TMEM135: variants seen among roughly 807,000 people sequenced by gnomAD.
TMEM135 encodes the protein peroxisomal membrane protein 52.
In TMEM135, 30 loss-of-function variants were observed where a neutral mutation model predicts 60.3. The observed-to-expected ratio is 0.50, with a 90% confidence interval of 0.37 to 0.68. The LOEUF (loss-of-function observed/expected upper bound fraction) is 0.68, where lower values mean the gene tolerates loss of function less well. TMEM135 is among the 30% of genes least tolerant of loss of function. The pLI, the probability that TMEM135 is intolerant of heterozygous loss-of-function variation, is 0.00. For missense variants in TMEM135, 468 were observed against 548.8 expected, an observed-to-expected ratio of 0.85 and a Z score of 1.47; for synonymous variants, 190 against 186.7, an observed-to-expected ratio of 1.02 and a Z score of -0.14.
chr11:87,301,340 A>C (rs56887000), intron 7 of TMEM135, among the ~76,000 whole-genome samples: 1 of 152,034 alleles, frequency 6.6e-6, no homozygotes, highest in East Asian at 1.9e-4. Flanking sequence ...TGTAGCCTTT[A>C]ATTCCTAAGC....
At position 87,324,482 on chromosome 11, in the gene TMEM135, T is replaced by C. The variant is rs1291604231; in HGVS notation, c.*3149T>C. On this transcript the variant is annotated 3_prime_UTR_variant, in exon 15 of 15. Transcript: ENST00000305494. ...TGTTGCCCGGGTTGGAGTACAGTGG[T>C]GCAATCATAGCTCATTGAAACCTCA... The C allele has an allele frequency of 2.2e-6, 1 of 453,728 alleles. No homozygotes were observed. The highest frequency in any genetic ancestry group is 2.0e-5 in the African/African-American group (1 of 49,978). The allele number at this position is 453,728 out of a possible 1,614,324, so 28.1% of individuals were successfully genotyped here.
At chr11:87,230,531 GTATTA>G (rs1940868194) in intron 5 of TMEM135, among the ~76,000 whole-genome samples, 1 of 152,052 alleles carries the variant, frequency 6.6e-6, no homozygotes, top group Non-Finnish European at 1.5e-5. Context: ...GTAATAGGTA[GTATTA>G]TATTGTTTCT....
At position 87,322,403 on chromosome 11, in the gene TMEM135, A is replaced by AT; in HGVS notation, c.*1072dup. 2.2e-6 allele frequency: 1 copy of AT among 453,938 alleles called. No individual in the cohort carries two copies. The highest frequency in any genetic ancestry group is 4.4e-6 in the Non-Finnish European group (1 of 226,734). 28.1% of individuals were successfully genotyped at this position (453,938 alleles called of 1,614,324 possible). A position where few individuals can be genotyped will look rare whatever the true frequency, so the allele number is the denominator to read the frequency against. On this transcript the variant is annotated 3_prime_UTR_variant, in exon 15 of 15. Coordinates refer to ENST00000305494, the MANE Select transcript of TMEM135 (RefSeq NM_022918.4). ...TTCTCCAACCTTCTTCTTGAATATC[A>AT]TTGTCACCATTTTTACTGTTAGAAT...
intron 5 of TMEM135, among the ~76,000 whole-genome samples, chr11:87,234,710 A>T (rs1035769467): frequency 1.3e-5 from 2 of 152,034 alleles, no homozygotes; most frequent in Admixed American, 6.6e-5. Context: ...AAATTATATA[A>T]AGTATCTAGA....
rs1421135143 is a variant in TMEM135 at position 87,327,041 on chromosome 11, T to G, written c.*5708T>G. 2 of 453,944 alleles carry G rather than the reference T, an allele frequency of 4.4e-6. No homozygotes were observed. The highest frequency in any genetic ancestry group is 8.8e-6 in the Non-Finnish European group (2 of 226,786). 28.1% of individuals were successfully genotyped at this position (453,944 alleles called of 1,614,324 possible). A position where few individuals can be genotyped will look rare whatever the true frequency, so the allele number is the denominator to read the frequency against. On this transcript the variant is annotated 3_prime_UTR_variant, in exon 15 of 15. Transcript: ENST00000305494. ...CTTGCTGAGGGAACACTGATGTTGT[T>G]TAAGACAGTTACATGCCTAGCCCCA... is the stretch of plus-strand genomic sequence containing the variant.
chr11:87,238,734 A>G (rs1359423956), intron 6 of TMEM135, among the ~76,000 whole-genome samples: 4 of 152,062 alleles, frequency 2.6e-5, no homozygotes, highest in African/African-American at 7.2e-5. Context: ...GTTTGTCTTC[A>G]TATTTTTATG....
chr11:87,205,063 C>G lies in TMEM135; in HGVS notation c.463-31575C>G, dbSNP rs193137987. Among the ~76,000 whole-genome samples, 713 of 152,246 alleles carry G rather than the reference C, an allele frequency of 4.7e-3. 6 individuals carry two copies. Among genetic ancestry groups the G allele is most frequent in the Middle Eastern group, 0.037 (11 of 294 alleles). ...TTTATTGTTTAATACTAATTATTCT[C>G]TAATTGAAATCATTTTTGCCATTTT... On this transcript the variant is annotated intron_variant, in intron 5 of 14. Coordinates refer to ENST00000305494, the MANE Select transcript of TMEM135 (RefSeq NM_022918.4).
At position 87,309,734 on chromosome 11, in the gene TMEM135, A is replaced by C; in HGVS notation, c.936+62A>C. 5.8e-6 allele frequency: 9 copies of C among 1,552,196 alleles called. 1 individual carries two copies. The South Asian group carries it at 1.0e-4, about 17-fold the overall frequency. ...AAATAACATTGCTATTGTTAGAATG[A>C]GAGATGGCCTTAGTTCACTTATTTT... is the stretch of plus-strand genomic sequence containing the variant. On this transcript the variant is annotated intron_variant, in intron 10 of 14. Coordinates refer to ENST00000305494, the MANE Select transcript of TMEM135 (RefSeq NM_022918.4).
chr11:87,209,383 G>A (rs1230670898), intron 5 of TMEM135, among the ~76,000 whole-genome samples: 1 of 152,100 alleles, frequency 6.6e-6, no homozygotes, highest in Admixed American at 6.5e-5. Flanking sequence ...GAAAACAAGA[G>A]CTGGGGTAGC....
intron 13 of TMEM135, among the ~76,000 whole-genome samples, chr11:87,318,874 CTTTTTTTTTTT>C (rs71470739): frequency 3.7e-5 from 5 of 134,312 alleles, no homozygotes; most frequent in African/African-American, 1.4e-4. Flanking sequence ...TTTTTTTTTT[CTTTTTTTTTTT>C]TTTGAGATGG....
At chr11:87,225,994 A>G (rs1165501942) in intron 5 of TMEM135, among the ~76,000 whole-genome samples, 2 of 151,968 alleles carry the variant, frequency 1.3e-5, no homozygotes, top group Non-Finnish European at 2.9e-5. Context: ...TTTATTAACT[A>G]TCCATCTTTA....
chr11:87,188,068 T>TGA (rs918320523), intron 5 of TMEM135, among the ~76,000 whole-genome samples: 13 of 151,404 alleles, frequency 8.6e-5, no homozygotes, highest in South Asian at 4.1e-4. Flanking sequence ...TGTTGAACAA[T>TGA]GAGAGAGAGA....
intron 4 of TMEM135, among the ~76,000 whole-genome samples, chr11:87,111,775 C>T (rs1014224736): frequency 4.6e-5 from 7 of 151,954 alleles, no homozygotes; most frequent in African/African-American, 1.7e-4. Flanking sequence ...GAAACATGCT[C>T]CCATACATTT....
At chr11:87,228,607 A>G (rs561976866) in intron 5 of TMEM135, among the ~76,000 whole-genome samples, 12 of 152,262 alleles carry the variant, frequency 7.9e-5, no homozygotes, top group South Asian at 2.1e-4. Context: ...TTCACTACTC[A>G]CTAAGCACCA....
intron 5 of TMEM135, among the ~76,000 whole-genome samples, chr11:87,167,099 G>T (rs116168102): frequency 6.6e-6 from 1 of 151,770 alleles, no homozygotes; most frequent in African/African-American, 2.4e-5. Flanking sequence ...AAGATTTGGC[G>T]TTCTCTTTGT....
rs554547909 is a variant in TMEM135, at chr11:87,326,609, C to G, written c.*5276C>G. 10 of 453,926 alleles carry G rather than the reference C, an allele frequency of 2.2e-5. No individual in the cohort carries two copies. The highest frequency in any genetic ancestry group is 2.6e-5 in the Non-Finnish European group (6 of 226,786). 28.1% of individuals were successfully genotyped at this position (453,926 alleles called of 1,614,324 possible). A position where few individuals can be genotyped will look rare whatever the true frequency, so the allele number is the denominator to read the frequency against. Reference sequence around the variant, plus strand: ...ATATTTTAAGCCTTATCTCTTTTCTCCTATTCTTTTCTTTACCTTTCCTGG... The same window carrying G: ...ATATTTTAAGCCTTATCTCTTTTCTGCTATTCTTTTCTTTACCTTTCCTGG... On this transcript the variant is annotated 3_prime_UTR_variant, in exon 15 of 15. Transcript: ENST00000305494.
At chr11:87,216,269 A>G (rs1368383937) in intron 5 of TMEM135, among the ~76,000 whole-genome samples, 2 of 152,160 alleles carry the variant, frequency 1.3e-5, no homozygotes, top group African/African-American at 4.8e-5. Context: ...AACTAAGAAC[A>G]GACTTACCTT....
chr11:87,079,883 C>A (rs1389696618), intron 3 of TMEM135, among the ~76,000 whole-genome samples: 9 of 147,844 alleles, frequency 6.1e-5, no homozygotes, highest in Non-Finnish European at 1.3e-4. Context: ...ACTCTGTCGC[C>A]CAGGCTGGAG....
Position 87,327,063 on chromosome 11 carries a change from C to T in TMEM135, c.*5730C>T, listed in dbSNP as rs1435463786. The T allele has an allele frequency of 2.2e-6, 1 of 453,932 alleles. No individual in the cohort carries two copies. The highest frequency in any genetic ancestry group is 2.3e-5 in the Admixed American group (1 of 42,554). 28.1% of individuals were successfully genotyped at this position (453,932 alleles called of 1,614,324 possible). On this transcript the variant is annotated 3_prime_UTR_variant, in exon 15 of 15. Transcript: ENST00000305494. The stretch of plus-strand genomic sequence containing the variant: ...TGTTTAAGACAGTTACATGCCTAGC[C>T]CCAGGGATGAATCATAATTGTTCTA...
Sources: gnomAD v4.1 joint callset for allele counts (sites outside exome capture counted in the v4.1 genomes callset) on GRCh38, gnomAD v4.1.1 for gene constraint, MANE v1.5 for transcripts, NCBI Gene and HGNC (gene_info 2026-07-23, HGNC 2026-07-21) for gene names.